The following SHC3 variants were observed in gnomAD, a reference collection of about 807,000 sequenced individuals.
SHC3 encodes the protein SHC-transforming protein 3.
SHC3 carries 15 observed loss-of-function variants against 60.4 expected under a neutral mutation model. That is an observed-to-expected ratio of 0.25 (90% CI 0.17 to 0.38). SHC3 has a LOEUF of 0.38. SHC3 is among the 10% of genes least tolerant of loss of function. SHC3 has a pLI of 1.00. For synonymous variants in SHC3, 294 were observed against 325.9 expected (o/e 0.90, Z 1.05); for missense variants, 677 against 786.1 (o/e 0.86, Z 1.66).
At chr9:89,099,996 A>G (rs1341191846) in intron 2 of SHC3, among the ~76,000 whole-genome samples, 1 of 152,198 alleles carries the variant, frequency 6.6e-6, no homozygotes, top group East Asian at 1.9e-4. Flanking sequence ...TATGTTTCCC[A>G]TCGCACAAAC....
chr9:89,098,188 T>A (rs1280514319), intron 2 of SHC3, among the ~76,000 whole-genome samples: 1 of 152,066 alleles, frequency 6.6e-6, no homozygotes, highest in Non-Finnish European at 1.5e-5. Context: ...TCAAAAAATG[T>A]CAATGTCAAG....
chr9:89,090,624 C>G (rs1825606646), intron 2 of SHC3, among the ~76,000 whole-genome samples: 1 of 152,078 alleles, frequency 6.6e-6, no homozygotes, highest in Non-Finnish European at 1.5e-5. Context: ...GAGCTGAGCA[C>G]ACAGAAATGA....
At chr9:89,035,868 T>TATA (rs1587687056) in intron 11 of SHC3, among the ~76,000 whole-genome samples, 2 of 144,482 alleles carry the variant, frequency 1.4e-5, no homozygotes, top group East Asian at 4.3e-4. Context: ...TGTGTGTGTG[T>TATA]GTGTGTGTGT....
intron 1 of SHC3, among the ~76,000 whole-genome samples, chr9:89,171,246 T>G (rs201236560): frequency 6.9e-6 from 1 of 145,962 alleles, no homozygotes; most frequent in Non-Finnish European, 1.5e-5. Flanking sequence ...TTTTTTTTTT[T>G]GAAAAAAACA....
intron 11 of SHC3, among the ~76,000 whole-genome samples, chr9:89,027,436 C>T (rs1826334656): frequency 6.6e-6 from 1 of 151,280 alleles, no homozygotes; most frequent in Non-Finnish European, 1.5e-5. Flanking sequence ...TCTGCCTCAG[C>T]CTCCCGAGTA....
At chr9:89,114,743 A>G (rs1825998063) in intron 1 of SHC3, among the ~76,000 whole-genome samples, 1 of 152,088 alleles carries the variant, frequency 6.6e-6, no homozygotes, top group Admixed American at 6.6e-5. Context: ...TTAAGTGAAA[A>G]CTATGACCAA....
chr9:89,107,455 G>A (rs562061279), intron 2 of SHC3, among the ~76,000 whole-genome samples: 1 of 152,316 alleles, frequency 6.6e-6, no homozygotes, highest in Non-Finnish European at 1.5e-5. Context: ...GTTAAAATCA[G>A]AGTAATAGTG....
At chr9:89,157,932 A>T (rs975741183) in intron 1 of SHC3, among the ~76,000 whole-genome samples, 2 of 152,078 alleles carry the variant, frequency 1.3e-5, no homozygotes, top group African/African-American at 4.8e-5. Context: ...AGGCTGGTGT[A>T]TCAATTTTAT....
chr9:89,168,013 G>C (rs532957576), intron 1 of SHC3, among the ~76,000 whole-genome samples: 1 of 152,186 alleles, frequency 6.6e-6, no homozygotes, highest in South Asian at 2.1e-4. Flanking sequence ...GCCAGCTTGC[G>C]AACCACAGCC....
chr9:89,077,742 A>G, intron 3 of SHC3, 98 bp downstream of exon 3: 2 of 1,418,652 alleles, frequency 1.4e-6, no homozygotes, highest in South Asian at 2.3e-5. Flanking sequence ...GGCCACAGAA[A>G]GAGGACAATG....
rs1014327324 is a variant in SHC3, at chr9:89,162,156, G to A, written c.474+15831C>T. 2.0e-3 allele frequency among the ~76,000 whole-genome samples: 297 copies of A among 145,950 alleles called. 1 individual carries two copies. Among genetic ancestry groups the A allele is most frequent in the African/African-American group, 7.2e-3 (279 of 38,834 alleles). On this transcript the variant is annotated intron_variant, in intron 1 of 11. Coordinates refer to ENST00000375835, the MANE Select transcript of SHC3 (RefSeq NM_016848.6). ...TAGGAAGAATCAATATCGTGAAAAT[G>A]GCCATACTGCCCAAGGTAATTTACA...
chr9:89,083,091 C>T (rs1825471767), intron 2 of SHC3, among the ~76,000 whole-genome samples: 1 of 152,198 alleles, frequency 6.6e-6, no homozygotes, highest in Admixed American at 6.5e-5. Context: ...TGGGTCTCTC[C>T]CTTACCAGCC....
At position 89,007,830 on chromosome 9, in the gene SHC3, TG is replaced by T. The variant is rs1416474080; in HGVS notation, c.*5616del. The T allele has an allele frequency of 2.0e-5, 3 of 152,312 alleles. No individual in the cohort carries two copies. Among genetic ancestry groups the T allele is most frequent in the African/African-American group, 4.8e-5 (2 of 41,474 alleles). The allele number at this position is 152,312 out of a possible 1,614,324, so 9.4% of individuals were successfully genotyped here. A position where few individuals can be genotyped will look rare whatever the true frequency, so the allele number is the denominator to read the frequency against. On this transcript the variant is annotated 3_prime_UTR_variant, in exon 12 of 12. Transcript: ENST00000375835. ...GTTCCCCCAATCCCTGTGGTCCTCATGTCCTGTTCTTGTTCTCTTTGTGCTG... is the reference window on the plus strand; with the variant it reads ...GTTCCCCCAATCCCTGTGGTCCTCATTCCTGTTCTTGTTCTCTTTGTGCTG...
intron 2 of SHC3, among the ~76,000 whole-genome samples, chr9:89,110,798 C>T (rs1459058745): frequency 6.6e-6 from 1 of 152,180 alleles, no homozygotes; most frequent in East Asian, 1.9e-4. Flanking sequence ...CATTATGCTG[C>T]TTCACCTTCC....
intron 6 of SHC3, among the ~76,000 whole-genome samples, chr9:89,064,235 A>G (rs1451153922): frequency 2.0e-5 from 3 of 152,192 alleles, no homozygotes; most frequent in Admixed American, 6.5e-5. Flanking sequence ...TTTGGGGGTG[A>G]CGTGAATATT....
chr9:89,128,393 G>A (rs1282655343), intron 1 of SHC3, among the ~76,000 whole-genome samples: 2 of 152,196 alleles, frequency 1.3e-5, no homozygotes, highest in Non-Finnish European at 2.9e-5. Context: ...CAGCTTTGAA[G>A]ACAGTAGTGG....
chr9:89,169,830 T>C (rs990670666), intron 1 of SHC3, among the ~76,000 whole-genome samples: 5 of 152,180 alleles, frequency 3.3e-5, no homozygotes, highest in Admixed American at 3.3e-4. Flanking sequence ...ATGATGTATG[T>C]TTTAAAATCC....
intron 7 of SHC3, among the ~76,000 whole-genome samples, chr9:89,049,218 G>A (rs1305436458): frequency 1.3e-5 from 2 of 152,086 alleles, no homozygotes; most frequent in Non-Finnish European, 2.9e-5. Flanking sequence ...CCAAGATCGC[G>A]CCACTGCACT....
chr9:89,047,789 C>T (rs891749419), intron 7 of SHC3, among the ~76,000 whole-genome samples: 4 of 152,208 alleles, frequency 2.6e-5, no homozygotes, highest in African/African-American at 9.6e-5. Flanking sequence ...ACACATTGCT[C>T]ATGGGACTGT....
Sources: gnomAD v4.1 joint callset for allele counts (sites outside exome capture counted in the v4.1 genomes callset) on GRCh38, gnomAD v4.1.1 for gene constraint, MANE v1.5 for transcripts, NCBI Gene and HGNC (gene_info 2026-07-23, HGNC 2026-07-21) for gene names.